The following AIFM3 variants were observed in gnomAD, a reference collection of about 807,000 sequenced individuals.
The protein encoded by AIFM3 is AIF family member 3, also known as apoptosis-inducing factor 3.
In AIFM3, 71 loss-of-function variants were observed where a neutral mutation model predicts 82.7. The ratio of observed to expected loss-of-function variants is 0.86; its 90% CI spans 0.71 to 1.05. The LOEUF (loss-of-function observed/expected upper bound fraction) is 1.05, where lower values mean the gene tolerates loss of function less well. Among genes scored for constraint, AIFM3 ranks in the 50% least tolerant of loss-of-function variants. The probability of loss-of-function intolerance (pLI) is 0.00; values close to 1 mark genes in which losing one functional copy is unlikely to be tolerated. For missense variants in AIFM3, 748 were observed against 816.7 expected (o/e 0.92, Z 1.03); for synonymous variants, 337 against 329.1 (o/e 1.02, Z -0.26).
intron 8 of AIFM3, among the ~76,000 whole-genome samples, chr22:20,975,065 C>A (rs1923552591): frequency 6.6e-6 from 1 of 152,174 alleles, no homozygotes; most frequent in Admixed American, 6.5e-5. Context: ...TGGGTTCAAG[C>A]GATTCTCATG....
intron 17 of AIFM3, 69 bp downstream of exon 17, chr22:20,979,438 G>T: frequency 6.8e-7 from 1 of 1,480,620 alleles, no homozygotes. Context: ...TGTGGGGCGG[G>T]GCTGGGAGCC....
chr22:20,979,596 C>A (rs1923948466), intron 17 of AIFM3, 31 bp from the exon 18 acceptor site: 2 of 1,612,636 alleles, frequency 1.2e-6, no homozygotes, highest in African/African-American at 1.3e-5. Flanking sequence ...CCCCGGCTCA[C>A]GTGGGTGCCA....
chr22:20,977,579 G>A lies in AIFM3; in HGVS notation c.1283-121G>A, dbSNP rs79387689. 6.3e-6 allele frequency: 8 copies of A among 1,277,218 alleles called. No homozygotes were observed. In the African/African-American group the frequency reaches 1.0e-4, roughly 16 times the overall value. The allele number at this position is 1,277,218 out of a possible 1,614,324, so 79.1% of individuals were successfully genotyped here. A position where few individuals can be genotyped will look rare whatever the true frequency, so the allele number is the denominator to read the frequency against. ...GGGACCAGGGTGCATGAAGGCCTCA[G>A]GTAGACAGCCCCTGGAGGATCAGTC... On this transcript the variant is annotated intron_variant, in intron 14 of 20. Coordinates refer to ENST00000440238, the MANE Select transcript of AIFM3 (RefSeq NM_001386814.1).
upstream of AIFM3, chr22:20,966,620 G>A (rs1411230059): frequency 6.6e-6 from 1 of 152,404 alleles, no homozygotes; most frequent in East Asian, 1.9e-4. Flanking sequence ...GCAGTGGGAT[G>A]GACTGTGGGG....
intron 1 of AIFM3, among the ~76,000 whole-genome samples, chr22:20,967,506 G>A (rs918505812): frequency 1.3e-5 from 2 of 152,140 alleles, no homozygotes; most frequent in Non-Finnish European, 2.9e-5. Context: ...GAGGGGAAGG[G>A]GGGCACGAGG....
chr22:20,969,257 C>T (rs924025278), intron 2 of AIFM3, among the ~76,000 whole-genome samples: 3 of 152,170 alleles, frequency 2.0e-5, no homozygotes, highest in Non-Finnish European at 2.9e-5. Context: ...CTTCCAGTGT[C>T]GGGGGTGGCC....
chr22:20,975,850 G>C, intron 9 of AIFM3, 72 bp downstream of exon 9: 1 of 1,545,048 alleles, frequency 6.5e-7, no homozygotes, highest in Non-Finnish European at 8.8e-7. Context: ...GGGCCCCTGG[G>C]GTGGGGTCTT....
At chr22:20,977,432 G>T (rs1202260116) in intron 14 of AIFM3, 2 of 602,618 alleles carry the variant, frequency 3.3e-6, no homozygotes, top group Non-Finnish European at 5.9e-6. Context: ...GGTAGCACCT[G>T]CAGGGGCTGA....
rs77768766 is a variant in AIFM3, at chr22:20,979,025, G to T, written c.1478-246G>T. 5.2e-3 allele frequency among the ~76,000 whole-genome samples: 799 copies of T among 152,290 alleles called. 6 individuals are homozygous for T. Among genetic ancestry groups the T allele is most frequent in the African/African-American group, 0.019 (771 of 41,574 alleles). ...CCAACCCCAAGAAGCAGACCTTCCA[G>T]AGTCAGGGCACTTTATTCAGATTCT... On this transcript the variant is annotated intron_variant, in intron 16 of 20. Coordinates refer to ENST00000440238, the MANE Select transcript of AIFM3 (RefSeq NM_001386814.1).
In AIFM3 at chr22:20,981,068, A is replaced by G. The variant is rs781625826; in HGVS notation, c.*37A>G. 1 of 1,613,514 alleles carries G rather than the reference A, an allele frequency of 6.2e-7. No homozygotes were observed. Among genetic ancestry groups the G allele is most frequent in the Non-Finnish European group, 8.5e-7 (1 of 1,179,680 alleles). ...GTAGACTTGGGCAGGCAAAGGGGGC[A>G]CCAAGGGCACAGGCCAAGCCTTGGG... is the stretch of plus-strand genomic sequence containing the variant. On this transcript the variant is annotated 3_prime_UTR_variant, in exon 21 of 21. Coordinates refer to ENST00000440238, the MANE Select transcript of AIFM3 (RefSeq NM_001386814.1).
At chr22:20,973,918 G>A in intron 4 of AIFM3, 51 bp downstream of exon 4, 1 of 1,482,296 alleles carries the variant, frequency 6.7e-7, no homozygotes, top group Non-Finnish European at 9.0e-7. Flanking sequence ...CCCCATGCCA[G>A]CTTGGCTCCT....
In AIFM3 at chr22:20,968,039, C is replaced by G. The variant is rs1017259830; in HGVS notation, c.31+64C>G. The G allele has an allele frequency of 7.6e-6, 10 of 1,318,972 alleles. No individual in the cohort carries two copies. The African/African-American group carries it at 1.9e-4, about 26-fold the overall frequency. 81.7% of individuals were successfully genotyped at this position (1,318,972 alleles called of 1,614,324 possible). Reference sequence around the variant, plus strand: ...TCCCCGCCTCCTCCTCCCCCGTCTCCCCCCCCTCCCCCTCTGCACTCGGTA... The same window carrying G: ...TCCCCGCCTCCTCCTCCCCCGTCTCGCCCCCCTCCCCCTCTGCACTCGGTA... On this transcript the variant is annotated intron_variant, in intron 2 of 20. Coordinates refer to ENST00000440238, the MANE Select transcript of AIFM3 (RefSeq NM_001386814.1).
chr22:20,967,513 G>A (rs1285500788), intron 1 of AIFM3, among the ~76,000 whole-genome samples: 4 of 152,138 alleles, frequency 2.6e-5, no homozygotes, highest in African/African-American at 4.8e-5. Context: ...AGGGGGGCAC[G>A]AGGAGGCAGT....
intron 9 of AIFM3, 56 bp from the exon 10 acceptor site, chr22:20,976,159 G>A: frequency 6.3e-7 from 1 of 1,581,056 alleles, no homozygotes; most frequent in South Asian, 1.1e-5. Context: ...CCGGGGAGTG[G>A]GCGGCGAGGC....
intron 17 of AIFM3, 112 bp downstream of exon 17, chr22:20,979,481 G>A (rs1006770377): frequency 3.4e-6 from 5 of 1,471,956 alleles, no homozygotes; most frequent in Non-Finnish European, 4.7e-6. Flanking sequence ...CTAGGAAGAG[G>A]CCGGTAAGAA....
At chr22:20,977,574 C>T (rs1246593666) in intron 14 of AIFM3, 126 bp from the exon 15 acceptor site, 1 of 1,184,542 alleles carries the variant, frequency 8.4e-7, no homozygotes, top group Non-Finnish European at 1.2e-6. Context: ...TGCATGAAGG[C>T]CTCAGGTAGA....
chr22:20,976,483 C>T lies in AIFM3; in HGVS notation c.975C>T (p.Arg325=), dbSNP rs747656974. 3.2e-5 allele frequency: 52 copies of T among 1,613,816 alleles called. No individual in the cohort carries two copies. The highest frequency in any genetic ancestry group is 3.2e-4 in the Admixed American group (19 of 60,002). Residue 325 remains arginine (R), a synonymous_variant, in exon 11 of 21, where the codon CGC becomes CGT. Transcript: ENST00000440238. ...TCCGGACGCCAGAGGATGCCAATCG[C>T]GTGGTGAGGCTGGCCCGAGGCCGCA... ...FTIRTPEDAN[R]VVRLARGRNV...
chr22:20,979,234 G>T, intron 16 of AIFM3, 37 bp from the exon 17 acceptor site: 1 of 1,548,894 alleles, frequency 6.5e-7, no homozygotes, highest in South Asian at 1.2e-5. Context: ...AGTGGTAAGA[G>T]CGAGAGTTAG....
chr22:20,972,729 T>G (rs1923347523), intron 2 of AIFM3, among the ~76,000 whole-genome samples: 1 of 152,120 alleles, frequency 6.6e-6, no homozygotes, highest in Non-Finnish European at 1.5e-5. Flanking sequence ...CTCAGCTCTG[T>G]GTCCCCCTCA....
Sources: allele counts gnomAD v4.1 joint callset (sites outside exome capture counted in the v4.1 genomes callset), GRCh38; gene constraint gnomAD v4.1.1; transcripts MANE v1.5; gene names NCBI Gene and HGNC (gene_info 2026-07-23, HGNC 2026-07-21).